NT5DC3: variants seen among roughly 807,000 people sequenced by gnomAD.
NT5DC3 encodes the protein 5'-nucleotidase domain-containing protein 3.
A neutral mutation model predicts 67.8 loss-of-function variants in NT5DC3; 42 were observed. That is an observed-to-expected ratio of 0.62 (90% CI 0.48 to 0.80). The LOEUF (loss-of-function observed/expected upper bound fraction) is 0.80, where lower values mean the gene tolerates loss of function less well. NT5DC3 is among the 30% of genes least tolerant of loss of function. NT5DC3 has a pLI of 0.00. For missense variants in NT5DC3, 570 were observed against 696.4 expected (o/e 0.82, Z 2.04); for synonymous variants, 237 against 255.6 (o/e 0.93, Z 0.69).
chr12:103,802,826 A>G (rs1459080598), intron 4 of NT5DC3, among the ~76,000 whole-genome samples: 1 of 152,214 alleles, frequency 6.6e-6, no homozygotes, highest in Non-Finnish European at 1.5e-5. Flanking sequence ...GTATGGAAGA[A>G]GAGGAAGCGA....
chr12:103,763,284 TCA>T, the NT5DC3 span: 1 of 582,342 alleles, frequency 1.7e-6, no homozygotes, highest in Non-Finnish European at 3.1e-6. Context: ...TTGGTGGTGA[TCA>T]CAAATGGGCA....
chr12:103,809,940 G>A (rs926434190), intron 2 of NT5DC3, among the ~76,000 whole-genome samples: 1 of 152,170 alleles, frequency 6.6e-6, no homozygotes, highest in Non-Finnish European at 1.5e-5. Flanking sequence ...CCTGGGCAAG[G>A]TCGTCTGTCC....
At chr12:103,831,769 T>C (rs73175812) in intron 1 of NT5DC3, among the ~76,000 whole-genome samples, 253 of 124,304 alleles carry the variant, frequency 2.0e-3, no homozygotes, top group Non-Finnish European at 2.9e-3. Flanking sequence ...TTCAGCATCC[T>C]CTTTTTTTTT....
chr12:103,825,255 C>T (rs1171744153), intron 1 of NT5DC3, among the ~76,000 whole-genome samples: 1 of 152,164 alleles, frequency 6.6e-6, no homozygotes, highest in Non-Finnish European at 1.5e-5. Flanking sequence ...ACTACTCCCA[C>T]CAAAAGTTAA....
At chr12:103,838,907 A>G (rs918076502) in intron 1 of NT5DC3, among the ~76,000 whole-genome samples, 1 of 152,186 alleles carries the variant, frequency 6.6e-6, no homozygotes, top group African/African-American at 2.4e-5. Flanking sequence ...TGAAATGACA[A>G]AATTTTAGAA....
chr12:103,791,348 G>A (rs1886051645), intron 9 of NT5DC3, among the ~76,000 whole-genome samples: 1 of 151,850 alleles, frequency 6.6e-6, no homozygotes, highest in Non-Finnish European at 1.5e-5. Flanking sequence ...AAATGGTGAG[G>A]GCATCATATC....
chr12:103,814,394 C>T (rs1887160907), intron 2 of NT5DC3, among the ~76,000 whole-genome samples: 1 of 152,194 alleles, frequency 6.6e-6, no homozygotes, highest in South Asian at 2.1e-4. Context: ...CACAAGACTT[C>T]TGAGGACACT....
At chr12:103,837,020 G>A (rs534416680) in intron 1 of NT5DC3, among the ~76,000 whole-genome samples, 12 of 152,292 alleles carry the variant, frequency 7.9e-5, no homozygotes, top group Admixed American at 7.2e-4. Flanking sequence ...CTACATGAGG[G>A]CCCCGTCTCT....
chr12:103,838,333 G>T (rs117223488), intron 1 of NT5DC3, among the ~76,000 whole-genome samples: 2 of 152,228 alleles, frequency 1.3e-5, no homozygotes, highest in African/African-American at 4.8e-5. Context: ...TGTCTCATGC[G>T]CCAGGCACTG....
At chr12:103,790,956 T>G (rs1253781564) in intron 9 of NT5DC3, among the ~76,000 whole-genome samples, 1 of 152,154 alleles carries the variant, frequency 6.6e-6, no homozygotes, top group African/African-American at 2.4e-5. Context: ...CCCAAAGTGC[T>G]GGGATTATAG....
At position 103,806,921 on chromosome 12, in the gene NT5DC3, T is replaced by C. The variant is rs778451751; in HGVS notation, c.402A>G (p.Ala134=). ...DLLINEHRYP[A]EIRKYEYDPN... ...GGTCATACTCATACTTCCTGATTTC[T>C]GCTGGATACTAAGAAAGAAGAAAGG... The change falls in exon 3 of 14, where the codon GCA becomes GCG. Residue 134 remains alanine, a synonymous_variant. Coordinates refer to ENST00000392876, the MANE Select transcript of NT5DC3 (RefSeq NM_001031701.3). The C allele has an allele frequency of 1.9e-6, 3 of 1,595,142 alleles. No homozygotes were observed. The highest frequency in any genetic ancestry group is 2.2e-5 in the East Asian group (1 of 44,780).
chr12:103,823,953 T>C (rs1277012520), intron 1 of NT5DC3, among the ~76,000 whole-genome samples: 3 of 152,234 alleles, frequency 2.0e-5, no homozygotes, highest in African/African-American at 4.8e-5. Context: ...CCAACTTCCT[T>C]CTGCCCAGTC....
At chr12:103,828,551 G>C (rs1436031591) in intron 1 of NT5DC3, among the ~76,000 whole-genome samples, 1 of 152,100 alleles carries the variant, frequency 6.6e-6, no homozygotes, top group Non-Finnish European at 1.5e-5. Context: ...ATAAAGAAAG[G>C]TCAAGATAAT....
In NT5DC3 at chr12:103,841,024, T is replaced by C; in HGVS notation, c.133A>G (p.Thr45Ala). 7.8e-7 allele frequency: 1 copy of C among 1,283,798 alleles called. No homozygotes were observed. Among genetic ancestry groups the C allele is most frequent in the Non-Finnish European group, 9.9e-7 (1 of 1,014,474 alleles). The allele number at this position is 1,283,798 out of a possible 1,614,324, so 79.5% of individuals were successfully genotyped here. A position where few individuals can be genotyped will look rare whatever the true frequency, so the allele number is the denominator to read the frequency against. Residue 45 changes from threonine to alanine, a missense_variant, in exon 1 of 14, where the codon ACT becomes GCT. This residue lies in a region of NT5DC3 where 104 missense variants were observed against 88.4 expected (regional missense o/e 1.18). Coordinates refer to ENST00000392876, the MANE Select transcript of NT5DC3 (RefSeq NM_001031701.3). ...PCAGPARPLC[T>A]APGTAPDMKR... ...ATGTCCGGGGCGGTCCCGGGTGCAG[T>C]GCACAAGGGCCGGGCGGGGCCCGCA... is the stretch of plus-strand genomic sequence containing the variant.
chr12:103,764,189 G>T, the NT5DC3 span, among the ~76,000 whole-genome samples: 2 of 152,184 alleles, frequency 1.3e-5, no homozygotes, highest in Non-Finnish European at 2.9e-5. Flanking sequence ...CCAACCTCAG[G>T]TGATACGCCC....
chr12:103,755,636 G>A, the NT5DC3 span: 4 of 1,614,038 alleles, frequency 2.5e-6, no homozygotes, highest in Non-Finnish European at 2.5e-6. Context: ...TGCAAGGTGG[G>A]CTATGTGGGA....
chr12:103,746,778 G>A, the NT5DC3 span: 1 of 1,466,748 alleles, frequency 6.8e-7, no homozygotes. Context: ...ACAGTGCCTG[G>A]GCTTCATCCT....
Position 103,793,516 on chromosome 12 carries a change from A to G in NT5DC3, c.815-4T>C. ...TCAGCATAGCAGATGTACTTTTCTAAGAGCAAGAGAAAAATTCACACACAG... is the reference window on the plus strand; with the variant it reads ...TCAGCATAGCAGATGTACTTTTCTAGGAGCAAGAGAAAAATTCACACACAG... On this transcript the variant is annotated splice_region_variant and splice_polypyrimidine_tract_variant and intron_variant, in intron 7 of 13. Coordinates refer to ENST00000392876, the MANE Select transcript of NT5DC3 (RefSeq NM_001031701.3). The G allele has an allele frequency of 1.9e-6, 3 of 1,605,170 alleles. No individual in the cohort carries two copies. Among genetic ancestry groups the G allele is most frequent in the Non-Finnish European group, 8.5e-7 (1 of 1,172,626 alleles).
intron 2 of NT5DC3, among the ~76,000 whole-genome samples, chr12:103,807,328 G>C (rs1180376831): frequency 2.0e-5 from 3 of 152,160 alleles, no homozygotes; most frequent in Admixed American, 6.5e-5. Context: ...GCAGATAAAA[G>C]GAATGTTCCC....
Sources: allele counts gnomAD v4.1 joint callset (sites outside exome capture counted in the v4.1 genomes callset), GRCh38; gene constraint gnomAD v4.1.1; regional missense constraint gnomAD v4.1.1; transcripts MANE v1.5; gene names NCBI Gene and HGNC (gene_info 2026-07-23, HGNC 2026-07-21).